Variants in REEP5 observed in about 807,000 individuals in gnomAD.
REEP5 encodes receptor expression-enhancing protein 5.
REEP5 carries 24 observed loss-of-function variants against 22.4 expected under a neutral mutation model. That is an observed-to-expected ratio of 1.07 (90% confidence interval 0.78 to 1.51). REEP5 has a LOEUF of 1.51. Ranked by LOEUF, REEP5 falls within the 40% of genes most tolerant of loss-of-function variation. REEP5 has a pLI of 0.00. For missense variants in REEP5, 252 were observed against 233.0 expected (o/e 1.08, Z -0.53); for synonymous variants, 103 against 88.6 (o/e 1.16, Z -0.92).
At chr5:112,906,420 G>A (rs1246809815) in intron 2 of REEP5, among the ~76,000 whole-genome samples, 1 of 152,200 alleles carries the variant, frequency 6.6e-6, no homozygotes, top group Non-Finnish European at 1.5e-5. Context: ...TACAAAGTAG[G>A]CATTTAATAT....
intron 4 of REEP5, 120 bp from the exon 5 acceptor site, chr5:112,878,955 G>A (rs1465724285): frequency 6.7e-7 from 1 of 1,485,046 alleles, no homozygotes; most frequent in East Asian, 2.3e-5. Context: ...CTCATGTTCA[G>A]GTGCGATCAT....
intron 2 of REEP5, among the ~76,000 whole-genome samples, chr5:112,920,342 G>A (rs1040635079): frequency 6.6e-6 from 1 of 152,066 alleles, no homozygotes; most frequent in Non-Finnish European, 1.5e-5. Flanking sequence ...TTATCCCTAT[G>A]GTTGAAGAAA....
At position 112,878,772 on chromosome 5, in the gene REEP5, C is replaced by A; in HGVS notation, c.*14G>T. The A allele has an allele frequency of 6.2e-7, 1 of 1,614,086 alleles. No homozygotes were observed. Among genetic ancestry groups the A allele is most frequent in the Non-Finnish European group, 8.5e-7 (1 of 1,180,008 alleles). On this transcript the variant is annotated 3_prime_UTR_variant, in exon 5 of 5. Coordinates refer to ENST00000379638, the MANE Select transcript of REEP5 (RefSeq NM_005669.5). ...AAGGTACAGAGAGGGCAGGAAGTTTCCATCCAGTCTGGTTTAGGTGCTCTT... is the reference window on the plus strand; with the variant it reads ...AAGGTACAGAGAGGGCAGGAAGTTTACATCCAGTCTGGTTTAGGTGCTCTT...
At chr5:112,904,732 T>C (rs1768918272) in intron 2 of REEP5, among the ~76,000 whole-genome samples, 2 of 152,234 alleles carry the variant, frequency 1.3e-5, no homozygotes, top group African/African-American at 2.4e-5. Context: ...ACCATTCTGA[T>C]ATTTTAAATT....
At chr5:112,894,644 T>C (rs1295204719) in intron 3 of REEP5, 1 of 152,238 alleles carries the variant, frequency 6.6e-6, no homozygotes, top group East Asian at 1.9e-4. Context: ...TGTTACTTAC[T>C]ATATTAACTA....
chr5:112,893,116 A>AAG, intron 3 of REEP5: 1 of 809,836 alleles, frequency 1.2e-6, no homozygotes. Flanking sequence ...AAAAAAAAAA[A>AAG]AGAATGGACC....
chr5:112,908,341 G>A (rs1269800024), intron 2 of REEP5, among the ~76,000 whole-genome samples: 2 of 152,092 alleles, frequency 1.3e-5, no homozygotes, highest in Middle Eastern at 3.4e-3. Context: ...GACCTCAGGC[G>A]ATCTACCCAC....
chr5:112,913,715 G>C (rs1299099197), intron 2 of REEP5, among the ~76,000 whole-genome samples: 1 of 152,248 alleles, frequency 6.6e-6, no homozygotes, highest in South Asian at 2.1e-4. Context: ...GTCAGTCACA[G>C]TCAAATATAA....
At chr5:112,891,480 ATG>A (rs1768445836) in intron 3 of REEP5, 2 of 974,668 alleles carry the variant, frequency 2.1e-6, no homozygotes, top group African/African-American at 1.7e-5. Flanking sequence ...GAGAAACAAA[ATG>A]AAAGTAATTT....
chr5:112,908,152 G>A (rs1769001393), intron 2 of REEP5, among the ~76,000 whole-genome samples: 1 of 146,276 alleles, frequency 6.8e-6, no homozygotes, highest in South Asian at 2.1e-4. Context: ...CCAGGCTGGA[G>A]TGCAGTGGCA....
chr5:112,911,185 G>A (rs558743049), intron 2 of REEP5, among the ~76,000 whole-genome samples: 2 of 152,294 alleles, frequency 1.3e-5, no homozygotes, highest in Admixed American at 6.5e-5. Context: ...GGAAACAGGC[G>A]TGGGCGAGGA....
At chr5:112,882,297 C>G (rs1282237214) in intron 4 of REEP5, among the ~76,000 whole-genome samples, 1 of 152,082 alleles carries the variant, frequency 6.6e-6, no homozygotes, top group Non-Finnish European at 1.5e-5. Context: ...TTGTAGTGCA[C>G]TCCCCACCCT....
chr5:112,877,981 CTGTGTGTGTGTGTGTGTGTGTGTG>C lies in REEP5; in HGVS notation c.*781_*804del, dbSNP rs60109818. On this transcript the variant is annotated 3_prime_UTR_variant, in exon 5 of 5. Coordinates refer to ENST00000379638, the MANE Select transcript of REEP5 (RefSeq NM_005669.5). ...AGGGAATTGAGAGTTACAGGTTACT[CTGTGTGTGTGTGTGTGTGTGTGTG>C]TGTGTGTGTGTGTGTGTAAATTTCC... 5 of 147,530 alleles carry C rather than the reference CTGTGTGTGTGTGTGTGTGTGTGTG, an allele frequency of 3.4e-5. No homozygotes were observed. The highest frequency in any genetic ancestry group is 6.8e-5 in the Admixed American group (1 of 14,752). The allele number at this position is 147,530 out of a possible 1,614,324, so 9.1% of individuals were successfully genotyped here. A position where few individuals can be genotyped will look rare whatever the true frequency, so the allele number is the denominator to read the frequency against.
chr5:112,920,467 A>T (rs928571055), intron 2 of REEP5, among the ~76,000 whole-genome samples: 6 of 152,342 alleles, frequency 3.9e-5, no homozygotes, highest in African/African-American at 4.8e-5. Flanking sequence ...CGAATGGAAA[A>T]ATAAAATCGT....
rs907897052 is a variant in REEP5, at chr5:112,902,891, G to A, written c.213-373C>T. 6.6e-5 allele frequency among the ~76,000 whole-genome samples: 10 copies of A among 152,330 alleles called. No individual in the cohort carries two copies. The South Asian group carries it at 2.1e-3, about 32-fold the overall frequency. ...GATATATCAGGAAGAATTCTCTCGTGATAACCAGGTTCTTATGTACTTTTA... is the reference window on the plus strand; with the variant it reads ...GATATATCAGGAAGAATTCTCTCGTAATAACCAGGTTCTTATGTACTTTTA... On this transcript the variant is annotated intron_variant, in intron 2 of 4. Transcript: ENST00000379638.
intron 4 of REEP5, among the ~76,000 whole-genome samples, chr5:112,879,688 G>A (rs1424006321): frequency 1.3e-5 from 2 of 151,978 alleles, no homozygotes; most frequent in Non-Finnish European, 2.9e-5. Flanking sequence ...GTGTTAGCCA[G>A]GATGGTCTCA....
chr5:112,879,678 G>A (rs1399500022), intron 4 of REEP5, among the ~76,000 whole-genome samples: 1 of 151,862 alleles, frequency 6.6e-6, no homozygotes, highest in African/African-American at 2.4e-5. Context: ...GGGTTTCACT[G>A]TGTTAGCCAG....
intron 2 of REEP5, among the ~76,000 whole-genome samples, chr5:112,917,032 G>A (rs1769246623): frequency 6.6e-6 from 1 of 152,092 alleles, no homozygotes; most frequent in African/African-American, 2.4e-5. Flanking sequence ...GTTTAAAATG[G>A]GCTTGTGAGG....
chr5:112,892,341 G>C, intron 3 of REEP5: 2 of 1,614,138 alleles, frequency 1.2e-6, no homozygotes, highest in Non-Finnish European at 1.7e-6. Context: ...AGTACAGCGA[G>C]GAAGAAACCT....
Sources: allele counts gnomAD v4.1 joint callset (sites outside exome capture counted in the v4.1 genomes callset), GRCh38; gene constraint gnomAD v4.1.1; transcripts MANE v1.5; gene names NCBI Gene and HGNC (gene_info 2026-07-23, HGNC 2026-07-21).